The following SPNS2 variants were observed in gnomAD, a reference collection of about 807,000 sequenced individuals.
SPNS2 encodes SPNS lysolipid transporter 2, sphingosine-1-phosphate.
In SPNS2, 37 loss-of-function variants were observed where a neutral mutation model predicts 57.6. That is an observed-to-expected ratio of 0.64 (90% CI 0.49 to 0.85). The LOEUF (loss-of-function observed/expected upper bound fraction) is 0.85, where lower values mean the gene tolerates loss of function less well. Ranked by LOEUF, SPNS2 falls within the 40% of genes least tolerant of loss-of-function variation. The pLI is 0.00. For missense variants in SPNS2, 831 were observed against 779.1 expected, an observed-to-expected ratio of 1.07 and a Z score of -0.79; for synonymous variants, 440 against 346.9, an observed-to-expected ratio of 1.27 and a Z score of -2.98.
Position 4,538,217 on chromosome 17 carries a change from A to T in SPNS2, c.*769A>T, listed in dbSNP as rs1905976193. ...TCTCTGGCAGGTGCACACCAGCCCA[A>T]CTCTGCAGGGCTTCTCTCCCTGCCA... is the stretch of plus-strand genomic sequence containing the variant. On this transcript the variant is annotated 3_prime_UTR_variant, in exon 13 of 13. Coordinates refer to ENST00000329078, the MANE Select transcript of SPNS2 (RefSeq NM_001124758.3). 1 of 215,124 alleles carries T rather than the reference A, an allele frequency of 4.6e-6. No individual in the cohort carries two copies. Among genetic ancestry groups the T allele is most frequent in the East Asian group, 1.2e-4 (1 of 8,652 alleles). 13.3% of individuals were successfully genotyped at this position (215,124 alleles called of 1,614,324 possible).
At chr17:4,532,368 G>A (rs996935848) in intron 5 of SPNS2, among the ~76,000 whole-genome samples, 174 bp from the exon 6 acceptor site, 1 of 152,082 alleles carries the variant, frequency 6.6e-6, no homozygotes, top group Non-Finnish European at 1.5e-5. Flanking sequence ...CCAGTCTCTT[G>A]ACCGACCTCA....
At position 4,510,851 on chromosome 17, in the gene SPNS2, C is replaced by T. The variant is rs1288802453; in HGVS notation, c.371-2396C>T. 6.6e-6 allele frequency among the ~76,000 whole-genome samples: 1 copy of T among 152,152 alleles called. No homozygotes were observed. The highest frequency in any genetic ancestry group is 1.5e-5 in the Non-Finnish European group (1 of 68,040). On this transcript the variant is annotated intron_variant, in intron 1 of 12. Coordinates refer to ENST00000329078, the MANE Select transcript of SPNS2 (RefSeq NM_001124758.3). The surrounding 1 kb of genome is among the most constrained non-coding windows in gnomAD (Gnocchi z 4.4). The stretch of plus-strand genomic sequence containing the variant: ...TGTGTGTGCTGGGCCCTGGAGGACA[C>T]CAGCAAACCACGCAGAAGGCAGCGT...
At position 4,536,950 on chromosome 17, in the gene SPNS2, A is replaced by G; in HGVS notation, c.*4+4A>G. On this transcript the variant is annotated splice_donor_region_variant and intron_variant, in intron 12 of 12. Coordinates refer to ENST00000329078, the MANE Select transcript of SPNS2 (RefSeq NM_001124758.3). The stretch of plus-strand genomic sequence containing the variant: ...GCATCTGTGAAAGTCTGAGGTGGTG[A>G]GTGCAGGCCGGGAGGCACGTGGGGG... The G allele has an allele frequency of 6.2e-7, 1 of 1,612,900 alleles. No individual in the cohort carries two copies. Among genetic ancestry groups the G allele is most frequent in the Non-Finnish European group, 8.5e-7 (1 of 1,179,432 alleles).
chr17:4,506,826 T>C (rs2144309496), intron 1 of SPNS2, among the ~76,000 whole-genome samples: 1 of 152,030 alleles, frequency 6.6e-6, no homozygotes, highest in South Asian at 2.1e-4. Context: ...GGCTTGGGAG[T>C]AGGGGACCAG....
At position 4,531,119 on chromosome 17, in the gene SPNS2, G is replaced by T; in HGVS notation, c.792G>T (p.Arg264=). ...QAAGDWHWAL[R]VSPVLGMITG... ...CCGGAGACTGGCACTGGGCATTGCG[G>T]GTAAGCCCTACGTCCCTTCCCATGA... is the stretch of plus-strand genomic sequence containing the variant. The change falls in exon 5 of 13, where the codon CGG becomes CGT. Residue 264 remains arginine (R), a splice_region_variant and synonymous_variant. Coordinates refer to ENST00000329078, the MANE Select transcript of SPNS2 (RefSeq NM_001124758.3). 1 of 1,614,054 alleles carries T rather than the reference G, an allele frequency of 6.2e-7. No homozygotes were observed. The highest frequency in any genetic ancestry group is 8.5e-7 in the Non-Finnish European group (1 of 1,179,966).
intron 1 of SPNS2, among the ~76,000 whole-genome samples, chr17:4,504,581 AGGAGGAGCT>A (rs917101479): frequency 1.3e-5 from 2 of 152,246 alleles, no homozygotes; most frequent in African/African-American, 4.8e-5. Context: ...AGCTGCTCAG[AGGAGGAGCT>A]CCTTGTCCCT....
Position 4,533,122 on chromosome 17 carries a change from A to G in SPNS2, c.1081A>G (p.Lys361Glu), listed in dbSNP as rs777545158. ...GTGCAACAGCCCGCCCTGTGGGGCC[A>G]AGGACAGGTGGGGCCCCGCGGGGTG... ...ETCNSPPCGA[K>E]DSLIFGAITC... Residue 361 changes from lysine to glutamate, a missense_variant, in exon 7 of 13, where the codon AAG (lysine) becomes GAG (glutamate). By Grantham distance (56) the Lys-to-Glu change is moderately conservative. Transcript: ENST00000329078. The G allele has an allele frequency of 1.3e-5, 21 of 1,609,790 alleles. No individual in the cohort carries two copies. In the Admixed American group the frequency reaches 3.2e-4, roughly 24 times the overall value.
At chr17:4,509,897 G>C (rs1904783805) in intron 1 of SPNS2, among the ~76,000 whole-genome samples, 1 of 152,256 alleles carries the variant, frequency 6.6e-6, no homozygotes, top group Non-Finnish European at 1.5e-5. Context: ...GCCTGGCGGG[G>C]TGGGCTTGGC....
chr17:4,508,804 G>A (rs1021358934), intron 1 of SPNS2, among the ~76,000 whole-genome samples: 2 of 152,242 alleles, frequency 1.3e-5, no homozygotes, highest in Non-Finnish European at 2.9e-5. Flanking sequence ...GTCTGGGCCA[G>A]TGGATCTTAA....
chr17:4,519,653 C>T (rs1279601474), intron 2 of SPNS2, among the ~76,000 whole-genome samples: 6 of 152,236 alleles, frequency 3.9e-5, no homozygotes, highest in Non-Finnish European at 7.3e-5. Context: ...GAAAGCCGCC[C>T]CTACCAAAAC....
rs181648564 is a variant in SPNS2, at chr17:4,528,640, C to A, written c.574-1992C>A. 4.5e-4 allele frequency among the ~76,000 whole-genome samples: 69 copies of A among 152,224 alleles called. 1 individual carries two copies. The highest frequency in any genetic ancestry group is 2.5e-4 in the Non-Finnish European group (17 of 68,026). On this transcript the variant is annotated intron_variant, in intron 3 of 12. Transcript: ENST00000329078. Reference sequence around the variant, plus strand: ...TATAGGCGACTGCCACCATGCCCAGCTAATTTTTGTATTTTTAGTAGAGAA... The same window carrying A: ...TATAGGCGACTGCCACCATGCCCAGATAATTTTTGTATTTTTAGTAGAGAA...
At chr17:4,535,498 C>T (rs1905735678) in intron 9 of SPNS2, among the ~76,000 whole-genome samples, 1 of 152,182 alleles carries the variant, frequency 6.6e-6, no homozygotes, top group Non-Finnish European at 1.5e-5. Flanking sequence ...TCCCCGTGAC[C>T]CAGGTCCAAG....
rs1428383266 is a variant in SPNS2 at position 4,511,811 on chromosome 17, C to T, written c.371-1436C>T. Among the ~76,000 whole-genome samples, 2 of 152,206 alleles carry T rather than the reference C, an allele frequency of 1.3e-5. No homozygotes were observed. Among genetic ancestry groups the T allele is most frequent in the Non-Finnish European group, 2.9e-5 (2 of 68,034 alleles). On this transcript the variant is annotated intron_variant, in intron 1 of 12. Coordinates refer to ENST00000329078, the MANE Select transcript of SPNS2 (RefSeq NM_001124758.3). This position sits in a 1 kb window ranked among gnomAD's most constrained non-coding sequence, Gnocchi z 4.6. Reference sequence around the variant, plus strand: ...GACATCCGCCCGTCTGTCCTGCATTCCGGGAAATTGCTCAGGATTCCAACC... The same window carrying T: ...GACATCCGCCCGTCTGTCCTGCATTTCGGGAAATTGCTCAGGATTCCAACC...
chr17:4,535,803 G>A (rs565618118), intron 9 of SPNS2, among the ~76,000 whole-genome samples: 19 of 152,186 alleles, frequency 1.2e-4, no homozygotes, highest in Non-Finnish European at 2.4e-4. Flanking sequence ...AGGTGTGGAA[G>A]CCCCTGGGGT....
chr17:4,519,241 G>C (rs186094370), intron 2 of SPNS2, among the ~76,000 whole-genome samples: 1 of 152,244 alleles, frequency 6.6e-6, no homozygotes, highest in South Asian at 2.1e-4. Flanking sequence ...GCCACAGGGC[G>C]GGGGCTCAGG....
At chr17:4,536,776 G>A in intron 11 of SPNS2, 124 bp from the exon 12 acceptor site, 3 of 785,688 alleles carry the variant, frequency 3.8e-6, no homozygotes, top group South Asian at 1.4e-5. Flanking sequence ...CTCCCCCTGG[G>A]GCTGACGAGG....
intron 12 of SPNS2, 106 bp downstream of exon 12, chr17:4,537,052 C>T: frequency 4.1e-6 from 5 of 1,210,826 alleles, no homozygotes; most frequent in African/African-American, 3.1e-5. Flanking sequence ...TACCCCAGCA[C>T]ATCCCACCAA....
chr17:4,535,099 G>A (rs991979102), intron 9 of SPNS2, among the ~76,000 whole-genome samples: 20 of 151,960 alleles, frequency 1.3e-4, no homozygotes, highest in Admixed American at 2.6e-4. Flanking sequence ...CCAAAGAGGC[G>A]AGGCAGCTGG....
intron 2 of SPNS2, among the ~76,000 whole-genome samples, chr17:4,513,644 G>A (rs1430033009): frequency 6.6e-6 from 1 of 152,178 alleles, no homozygotes; most frequent in East Asian, 1.9e-4. Context: ...TCCTGAGGCT[G>A]GTGCAGGGAG....
Sources: gnomAD v4.1 joint callset for allele counts (sites outside exome capture counted in the v4.1 genomes callset) on GRCh38, gnomAD v4.1.1 for gene constraint, Gnocchi (gnomAD v3.1) non-coding constraint, MANE v1.5 for transcripts, NCBI Gene and HGNC (gene_info 2026-07-23, HGNC 2026-07-21) for gene names.